Variants in DBT observed in about 807,000 individuals in gnomAD.
DBT encodes lipoamide acyltransferase component of branched-chain alpha-keto acid dehydrogenase complex, mitochondrial.
Under a neutral mutation model 51.3 loss-of-function variants are expected in DBT, and 40 were observed. The observed-to-expected ratio is 0.78, with a 90% CI of 0.61 to 1.02. DBT has a LOEUF of 1.02. Ranked by LOEUF, DBT falls within the 50% of genes least tolerant of loss-of-function variation. The pLI is 0.00. For missense variants in DBT, 510 were observed against 580.2 expected, an observed-to-expected ratio of 0.88 and a Z score of 1.24; for synonymous variants, 181 against 190.4, an observed-to-expected ratio of 0.95 and a Z score of 0.41.
At chr1:100,225,467 T>C (rs1663137427) in intron 4 of DBT, among the ~76,000 whole-genome samples, 1 of 152,174 alleles carries the variant, frequency 6.6e-6, no homozygotes, top group Admixed American at 6.5e-5. Flanking sequence ...ACTGTGATTT[T>C]ATAATTTGCT....
At position 100,196,105 on chromosome 1, in the gene DBT, T is replaced by C; in HGVS notation, c.*150A>G. 2 of 746,426 alleles carry C rather than the reference T, an allele frequency of 2.7e-6. No homozygotes were observed. The highest frequency in any genetic ancestry group is 3.2e-5 in the South Asian group (2 of 61,604). The allele number at this position is 746,426 out of a possible 1,614,324, so 46.2% of individuals were successfully genotyped here. A position where few individuals can be genotyped will look rare whatever the true frequency, so the allele number is the denominator to read the frequency against. On this transcript the variant is annotated 3_prime_UTR_variant, in exon 11 of 11. Transcript: ENST00000370132. ...TATTCATTTTCAGTAAAAAGTCTAA[T>C]AGAACAGTGACAAATATTGTGCCTT... is the stretch of plus-strand genomic sequence containing the variant.
At chr1:100,215,623 C>T (rs1001946313) in intron 6 of DBT, among the ~76,000 whole-genome samples, 1 of 152,100 alleles carries the variant, frequency 6.6e-6, no homozygotes, top group Non-Finnish European at 1.5e-5. Context: ...GAGTTCGAGA[C>T]CAGCCTGGCC....
chr1:100,248,800 A>G (rs376220598), intron 1 of DBT, among the ~76,000 whole-genome samples: 1 of 152,130 alleles, frequency 6.6e-6, no homozygotes, highest in Non-Finnish European at 1.5e-5. Context: ...ATCTCAAGTC[A>G]TACAGTATCC....
intron 1 of DBT, among the ~76,000 whole-genome samples, chr1:100,245,752 A>T (rs920494724): frequency 3.3e-5 from 5 of 152,006 alleles, no homozygotes; most frequent in Non-Finnish European, 7.4e-5. Context: ...CAGGAGTTCA[A>T]GACCATACTG....
At chr1:100,229,798 G>C (rs1007020378) in intron 4 of DBT, among the ~76,000 whole-genome samples, 2 of 152,182 alleles carry the variant, frequency 1.3e-5, no homozygotes, top group South Asian at 4.1e-4. Flanking sequence ...CCACAACAGT[G>C]CTGTAAGGAA....
chr1:100,248,653 A>C (rs1006197682), intron 1 of DBT, among the ~76,000 whole-genome samples: 2 of 152,226 alleles, frequency 1.3e-5, no homozygotes, highest in African/African-American at 4.8e-5. Flanking sequence ...GCCAAAGATG[A>C]AGAAAGAATA....
At chr1:100,245,785 T>C (rs960421339) in intron 1 of DBT, among the ~76,000 whole-genome samples, 2 of 151,990 alleles carry the variant, frequency 1.3e-5, no homozygotes, top group African/African-American at 4.8e-5. Context: ...AGACTTTGTC[T>C]ACTAAAAATC....
At chr1:100,237,495 T>A (rs1249813926) in intron 2 of DBT, among the ~76,000 whole-genome samples, 1 of 152,174 alleles carries the variant, frequency 6.6e-6, no homozygotes, top group Non-Finnish European at 1.5e-5. Flanking sequence ...TAATATCAGA[T>A]CTGCAACTTT....
Position 100,189,289 on chromosome 1 carries a change from G to C in DBT, c.*6966C>G, listed in dbSNP as rs1660703987. Reference sequence around the variant, plus strand: ...CAGGAGACGGAGGTTGCAGTGAGCAGAGCCGAGATCGCACCACTGCACTCT... The same window carrying C: ...CAGGAGACGGAGGTTGCAGTGAGCACAGCCGAGATCGCACCACTGCACTCT... On this transcript the variant is annotated 3_prime_UTR_variant, in exon 11 of 11. Transcript: ENST00000370132. The C allele has an allele frequency of 1.3e-5, 2 of 149,260 alleles. No individual in the cohort carries two copies. Among genetic ancestry groups the C allele is most frequent in the Admixed American group, 6.7e-5 (1 of 14,818 alleles). 9.2% of individuals were successfully genotyped at this position (149,260 alleles called of 1,614,324 possible).
chr1:100,209,213 C>T (rs1201645268), intron 8 of DBT, among the ~76,000 whole-genome samples: 1 of 151,190 alleles, frequency 6.6e-6, no homozygotes, highest in Non-Finnish European at 1.5e-5. Context: ...ATTCTCCTGC[C>T]TCAGCCTCCC....
At chr1:100,237,602 G>A (rs1232067133) in intron 2 of DBT, among the ~76,000 whole-genome samples, 1 of 152,062 alleles carries the variant, frequency 6.6e-6, no homozygotes, top group Non-Finnish European at 1.5e-5. Flanking sequence ...GGAAGCAGGA[G>A]GCTACTTCAG....
chr1:100,198,582 A>G (rs190185592), intron 10 of DBT, among the ~76,000 whole-genome samples: 1 of 152,230 alleles, frequency 6.6e-6, no homozygotes, highest in African/African-American at 2.4e-5. Flanking sequence ...AATTTTGTCA[A>G]ACAGGTATAA....
Position 100,206,556 on chromosome 1 carries a change from A to G in DBT, c.1098T>C (p.Ser366=), listed in dbSNP as rs1422504862. Residue 366 remains serine (S), a synonymous_variant, in exon 9 of 11, where the codon TCT becomes TCC. Transcript: ENST00000370132. The part of the protein sequence containing the change: ...VPNVKNVQIC[S]IFDIATELNR... ...TCAGTTCAGTGGCGATGTCAAATATAGAGCAGATCTGAACATTTTTCACAT... is the reference window on the plus strand; with the variant it reads ...TCAGTTCAGTGGCGATGTCAAATATGGAGCAGATCTGAACATTTTTCACAT... 1 of 1,611,894 alleles carries G rather than the reference A, an allele frequency of 6.2e-7. No individual in the cohort carries two copies. The highest frequency in any genetic ancestry group is 1.3e-5 in the African/African-American group (1 of 75,022).
rs1190287392 is a variant in DBT at position 100,189,830 on chromosome 1, T to A, written c.*6425A>T. On this transcript the variant is annotated 3_prime_UTR_variant, in exon 11 of 11. Coordinates refer to ENST00000370132, the MANE Select transcript of DBT (RefSeq NM_001918.5). Reference sequence around the variant, plus strand: ...GGACTATTTAAAAAATAAGAACATTTGTGTCTTATTAGTTAAGGCAGCACT... The same window carrying A: ...GGACTATTTAAAAAATAAGAACATTAGTGTCTTATTAGTTAAGGCAGCACT... The A allele has an allele frequency of 6.6e-6, 1 of 152,198 alleles. No homozygotes were observed. The highest frequency in any genetic ancestry group is 2.4e-5 in the African/African-American group (1 of 41,438). 9.4% of individuals were successfully genotyped at this position (152,198 alleles called of 1,614,324 possible).
In DBT at chr1:100,193,221, A is replaced by G. The variant is rs1414189959; in HGVS notation, c.*3034T>C. Reference sequence around the variant, plus strand: ...TGAGCCATTGATGCTGGACCTACATACTTACTTATTTCAGAACTCCCTTCT... The same window carrying G: ...TGAGCCATTGATGCTGGACCTACATGCTTACTTATTTCAGAACTCCCTTCT... On this transcript the variant is annotated 3_prime_UTR_variant, in exon 11 of 11. Transcript: ENST00000370132. 1 of 152,206 alleles carries G rather than the reference A, an allele frequency of 6.6e-6. No individual in the cohort carries two copies. The highest frequency in any genetic ancestry group is 1.5e-5 in the Non-Finnish European group (1 of 68,042). The allele number at this position is 152,206 out of a possible 1,614,324, so 9.4% of individuals were successfully genotyped here.
At chr1:100,237,463 A>T (rs1315749104) in intron 2 of DBT, among the ~76,000 whole-genome samples, 2 of 152,186 alleles carry the variant, frequency 1.3e-5, no homozygotes, top group South Asian at 4.1e-4. Context: ...AGCAGTAATT[A>T]ACTGATATGG....
Position 100,216,211 on chromosome 1 carries a change from T to C in DBT, c.556-12A>G, listed in dbSNP as rs894187607. 29 of 1,569,622 alleles carry C rather than the reference T, an allele frequency of 1.8e-5. No individual in the cohort carries two copies. Among genetic ancestry groups the C allele is most frequent in the Non-Finnish European group, 2.5e-5 (28 of 1,140,490 alleles). On this transcript the variant is annotated splice_polypyrimidine_tract_variant and intron_variant, in intron 5 of 10. Coordinates refer to ENST00000370132, the MANE Select transcript of DBT (RefSeq NM_001918.5). The stretch of plus-strand genomic sequence containing the variant: ...TCACTCAGCTTAATCTAAAAAATGA[T>C]ATATTTTAATGCCAAAAATACAACT...
Position 100,218,723 on chromosome 1 carries a change from G to T in DBT, c.458C>A (p.Thr153Asn), listed in dbSNP as rs774102352. ...LKDSEEDVVETPAVSHDEHTH... is the reference protein window; with the variant it reads ...LKDSEEDVVENPAVSHDEHTH... ...ATGTTCATCATGAGACACTGCAGGAGTTTCAACAACATCTTCTTCTGAATC... is the reference window on the plus strand; with the variant it reads ...ATGTTCATCATGAGACACTGCAGGATTTTCAACAACATCTTCTTCTGAATC... Residue 153 changes from threonine (T) to asparagine (N), a missense_variant, in exon 5 of 11, where the codon ACT (threonine) becomes AAT (asparagine). Thr to Asn is a moderately conservative substitution (Grantham distance 65). Coordinates refer to ENST00000370132, the MANE Select transcript of DBT (RefSeq NM_001918.5). 3.7e-6 allele frequency: 6 copies of T among 1,613,554 alleles called. No homozygotes were observed. The Admixed American group carries it at 5.0e-5, about 13-fold the overall frequency.
intron 3 of DBT, 44 bp downstream of exon 3, chr1:100,235,392 A>G: frequency 1.1e-6 from 1 of 951,022 alleles, no homozygotes; most frequent in Non-Finnish European, 1.7e-6. Flanking sequence ...TTTTACTCAA[A>G]TTATTTTTAA....
Sources: allele counts gnomAD v4.1 joint callset (sites outside exome capture counted in the v4.1 genomes callset), GRCh38; gene constraint gnomAD v4.1.1; transcripts MANE v1.5; gene names NCBI Gene and HGNC (gene_info 2026-07-23, HGNC 2026-07-21).